Variants in CCDC154 observed in about 807,000 individuals in gnomAD.
The protein encoded by CCDC154 is coiled-coil domain containing 154.
CCDC154 carries 91 observed loss-of-function variants against 87.5 expected under a neutral mutation model. That is an observed-to-expected ratio of 1.04 (90% CI 0.88 to 1.24). The LOEUF is 1.24. CCDC154 is among the 50% of genes most tolerant of loss of function. The pLI is 0.00. For synonymous variants in CCDC154, 418 were observed against 400.4 expected (o/e 1.04, Z -0.52); for missense variants, 903 against 879.2 (o/e 1.03, Z -0.34).
At chr16:1,437,101 G>A in intron 11 of CCDC154, 1 of 453,200 alleles carries the variant, frequency 2.2e-6, no homozygotes. Context: ...CCGAAACGCA[G>A]GGTGTCGCCC....
rs2038480087 is a variant in CCDC154, at chr16:1,434,481, C to T, written c.1931G>A (p.Gly644Glu). 4 of 1,549,980 alleles carry T rather than the reference C, an allele frequency of 2.6e-6. No homozygotes were observed. In the East Asian group the frequency reaches 7.3e-5, roughly 28 times the overall value. The change falls in exon 17 of 17, where the codon GGA (glycine) becomes GAA (glutamate). Residue 644 changes from glycine (G) to glutamate (E), a missense_variant. Gly to Glu is a moderately conservative substitution (Grantham distance 98, BLOSUM62 -2). Transcript: ENST00000389176. Reference protein sequence around the residue: ...LIKLRALRRPGGVLEKPHSQE... With the variant: ...LIKLRALRRPEGVLEKPHSQE... ...GCTGTGGGGCTTCTCCAGGACCCCT[C>T]CTGGCCTCCGCAGGGCCCTGAGCTT...
At chr16:1,437,724 C>T in intron 11 of CCDC154, 93 bp downstream of exon 11, 1 of 1,396,408 alleles carries the variant, frequency 7.2e-7, no homozygotes, top group Non-Finnish European at 9.4e-7. Flanking sequence ...ACCGGCCTGT[C>T]AGGCCTCTAC....
chr16:1,434,610 C>T, intron 16 of CCDC154, 58 bp downstream of exon 16: 1 of 1,530,576 alleles, frequency 6.5e-7, no homozygotes, highest in South Asian at 1.2e-5. Context: ...TGTGGGCCCC[C>T]AGCCCTGAAC....
Position 1,444,127 on chromosome 16 carries a change from G to A in CCDC154, c.8-115C>T, listed in dbSNP as rs180798760. 4.9e-4 allele frequency: 487 copies of A among 999,394 alleles called. 6 individuals are homozygous for A. The Admixed American group carries it at 8.0e-3, about 16-fold the overall frequency. 61.9% of individuals were successfully genotyped at this position (999,394 alleles called of 1,614,324 possible). A position where few individuals can be genotyped will look rare whatever the true frequency, so the allele number is the denominator to read the frequency against. ...TCGCCCACCACCCAGAGCTCAACGCGTCTCCTTGGGTCACACAGGATCCAG... is the reference window on the plus strand; with the variant it reads ...TCGCCCACCACCCAGAGCTCAACGCATCTCCTTGGGTCACACAGGATCCAG... On this transcript the variant is annotated intron_variant, in intron 1 of 16. Transcript: ENST00000389176.
chr16:1,438,773 C>T, intron 8 of CCDC154, 36 bp from the exon 9 acceptor site: 2 of 1,542,860 alleles, frequency 1.3e-6, no homozygotes, highest in Non-Finnish European at 1.7e-6. Context: ...AGACCTGCAC[C>T]CCGGCCCCGG....
chr16:1,438,203 C>T (rs2142352666), intron 9 of CCDC154, 27 bp from the exon 10 acceptor site: 1 of 1,496,866 alleles, frequency 6.7e-7, no homozygotes, highest in Non-Finnish European at 8.9e-7. Flanking sequence ...CATAGACACC[C>T]TCAGTGGAGC....
Position 1,444,406 on chromosome 16 carries a change from G to C in CCDC154, c.-84C>G. On this transcript the variant is annotated 5_prime_UTR_variant, in exon 1 of 17. Transcript: ENST00000389176. Reference sequence around the variant, plus strand: ...TGAGGTTGCCCAGAGCTGGGCACAGGCCAGGGGGGTCAGGAGCCAGAGGAA... The same window carrying C: ...TGAGGTTGCCCAGAGCTGGGCACAGCCCAGGGGGGTCAGGAGCCAGAGGAA... 1.5e-5 allele frequency: 18 copies of C among 1,238,576 alleles called. No individual in the cohort carries two copies. Among genetic ancestry groups the C allele is most frequent in the Admixed American group, 2.7e-5 (1 of 36,570 alleles). 76.7% of individuals were successfully genotyped at this position (1,238,576 alleles called of 1,614,324 possible). A position where few individuals can be genotyped will look rare whatever the true frequency, so the allele number is the denominator to read the frequency against.
At chr16:1,435,299 C>A in intron 14 of CCDC154, 124 bp from the exon 15 acceptor site, 4 of 822,746 alleles carry the variant, frequency 4.9e-6, no homozygotes, top group Non-Finnish European at 7.9e-6. Context: ...TGCTGAAATG[C>A]TGGTCCTCGT....
intron 15 of CCDC154, 42 bp from the exon 16 acceptor site, chr16:1,434,894 C>T: frequency 6.8e-7 from 1 of 1,467,690 alleles, no homozygotes. Context: ...AGCCAGACCT[C>T]CGGGCAGGGG....
chr16:1,440,843 C>T (rs2038545385), intron 6 of CCDC154, among the ~76,000 whole-genome samples: 1 of 149,220 alleles, frequency 6.7e-6, no homozygotes, highest in Admixed American at 6.7e-5. Context: ...CCCAGCTACT[C>T]GGGAAGCTGA....
chr16:1,437,755 G>T, intron 11 of CCDC154, 62 bp downstream of exon 11: 1 of 1,474,950 alleles, frequency 6.8e-7, no homozygotes, highest in Non-Finnish European at 9.0e-7. Context: ...GTGGTGGGCT[G>T]AGAGCTGGAG....
At chr16:1,439,637 C>T (rs902921291) in intron 6 of CCDC154, among the ~76,000 whole-genome samples, 4 of 152,170 alleles carry the variant, frequency 2.6e-5, no homozygotes, top group South Asian at 4.1e-4. Flanking sequence ...TCATCAGCCA[C>T]GGAGAGGCGC....
At position 1,434,486 on chromosome 16, in the gene CCDC154, C is replaced by A; in HGVS notation, c.1926G>T (p.Arg642Ser). The A allele has an allele frequency of 6.5e-7, 1 of 1,549,934 alleles. No individual in the cohort carries two copies. The highest frequency in any genetic ancestry group is 1.7e-4 in the Middle Eastern group (1 of 5,926). Residue 642 changes from arginine to serine, a missense_variant, in exon 17 of 17, where the codon AGG (arginine) becomes AGT (serine). Coordinates refer to ENST00000389176, the MANE Select transcript of CCDC154 (RefSeq NM_001143980.3). ...ASLIKLRALR[R>S]PGGVLEKPHS... is the part of the protein sequence containing the mutation. Reference sequence around the variant, plus strand: ...GGGGCTTCTCCAGGACCCCTCCTGGCCTCCGCAGGGCCCTGAGCTTTATGA... The same window carrying A: ...GGGGCTTCTCCAGGACCCCTCCTGGACTCCGCAGGGCCCTGAGCTTTATGA...
intron 3 of CCDC154, 58 bp downstream of exon 3, chr16:1,443,448 G>T (rs867819853): frequency 1.4e-6 from 2 of 1,431,192 alleles, no homozygotes; most frequent in South Asian, 3.0e-5. Context: ...CCCAGAAGCA[G>T]CTGCCCCCAA....
In CCDC154 at chr16:1,443,486, T is replaced by C; in HGVS notation, c.414+20A>G. 1.4e-6 allele frequency: 2 copies of C among 1,432,594 alleles called. No individual in the cohort carries two copies. Among genetic ancestry groups the C allele is most frequent in the Non-Finnish European group, 1.8e-6 (2 of 1,097,018 alleles). 88.7% of individuals were successfully genotyped at this position (1,432,594 alleles called of 1,614,324 possible). ...CCCAGGAAAGGGGCAGCTCGACCTGTGGGTGGGGGAGCCGCTCACCTCCGG... is the reference window on the plus strand; with the variant it reads ...CCCAGGAAAGGGGCAGCTCGACCTGCGGGTGGGGGAGCCGCTCACCTCCGG... On this transcript the variant is annotated intron_variant, in intron 3 of 16. Transcript: ENST00000389176.
intron 1 of CCDC154, 84 bp downstream of exon 1, chr16:1,444,232 A>G (rs563897939): frequency 5.0e-5 from 63 of 1,252,386 alleles, no homozygotes; most frequent in Non-Finnish European, 6.2e-5. Context: ...AGCTGGAGGG[A>G]GCCCGGGGTC....
intron 9 of CCDC154, 104 bp downstream of exon 9, chr16:1,438,515 G>T: frequency 9.1e-7 from 1 of 1,097,666 alleles, no homozygotes; most frequent in Non-Finnish European, 1.3e-6. Flanking sequence ...TCTGCTCGGG[G>T]GAGGCAAGGT....
chr16:1,441,664 G>C (rs1170415366), intron 6 of CCDC154, among the ~76,000 whole-genome samples: 1 of 152,206 alleles, frequency 6.6e-6, no homozygotes, highest in Non-Finnish European at 1.5e-5. Context: ...GCTGCGATCT[G>C]TGGACCCGGG....
Position 1,434,755 on chromosome 16 carries a change from G to A in CCDC154, c.1790C>T (p.Ser597Phe). The A allele has an allele frequency of 6.5e-7, 1 of 1,545,410 alleles. No individual in the cohort carries two copies. The highest frequency in any genetic ancestry group is 8.7e-7 in the Non-Finnish European group (1 of 1,146,796). The change falls in exon 16 of 17, where the codon TCC becomes TTC. Residue 597 changes from serine to phenylalanine, a missense_variant. Physicochemically the swap from Ser to Phe is radical, Grantham distance 155 (BLOSUM62 -2). Coordinates refer to ENST00000389176, the MANE Select transcript of CCDC154 (RefSeq NM_001143980.3). ...GATGAAGACCCGCGGCCTCACCAGGGATGGGAGCGCCTTCCAGCTGCCCAG... is the reference window on the plus strand; with the variant it reads ...GATGAAGACCCGCGGCCTCACCAGGAATGGGAGCGCCTTCCAGCTGCCCAG... ...TPLGSWKALP[S>F]LVRPRVFIKD...
Sources: gnomAD v4.1 joint callset for allele counts (sites outside exome capture counted in the v4.1 genomes callset) on GRCh38, gnomAD v4.1.1 for gene constraint, MANE v1.5 for transcripts, NCBI Gene and HGNC (gene_info 2026-07-23, HGNC 2026-07-21) for gene names.